IHO1: variants seen among roughly 807,000 people sequenced by gnomAD.
The protein encoded by IHO1 is interactor of HORMAD1 protein 1.
A neutral mutation model predicts 31.0 loss-of-function variants in IHO1; 13 were observed. The ratio of observed to expected loss-of-function variants is 0.42; its 90% CI spans 0.27 to 0.67. IHO1 has a LOEUF of 0.67. IHO1 is among the 30% of genes least tolerant of loss of function. IHO1 has a pLI of 0.24. For missense variants in IHO1, 599 were observed against 687.5 expected (o/e 0.87, Z 1.44); for synonymous variants, 221 against 248.4 (o/e 0.89, Z 1.04).
upstream of IHO1, among the ~76,000 whole-genome samples, chr3:49,196,860 C>T (rs574173067): frequency 7.3e-5 from 11 of 151,562 alleles, 1 homozygote; most frequent in South Asian, 2.3e-3. Flanking sequence ...TTAGTAGAGA[C>T]GGGGTTTCGC....
chr3:49,214,224 G>A (rs1447817702), intron 2 of IHO1, among the ~76,000 whole-genome samples: 3 of 152,088 alleles, frequency 2.0e-5, no homozygotes, highest in African/African-American at 4.8e-5. Flanking sequence ...GAGCAAAATC[G>A]AGATGATGTT....
chr3:49,253,376 G>A (rs1038999979), intron 6 of IHO1, among the ~76,000 whole-genome samples: 4 of 152,140 alleles, frequency 2.6e-5, no homozygotes, highest in Non-Finnish European at 4.4e-5. Flanking sequence ...AGTGAGCTGA[G>A]ATCGTGCCAC....
At chr3:49,200,448 G>GAA (rs1180037191) in intron 1 of IHO1, 111 of 345,194 alleles carry the variant, frequency 3.2e-4, no homozygotes, top group East Asian at 2.7e-3. Flanking sequence ...CTGGGCGACA[G>GAA]AGTGAGACTC....
At chr3:49,253,449 A>G (rs1487413818) in intron 6 of IHO1, among the ~76,000 whole-genome samples, 1 of 152,124 alleles carries the variant, frequency 6.6e-6, no homozygotes, top group Non-Finnish European at 1.5e-5. Flanking sequence ...GAAAGAAAAA[A>G]GAATTCAAGT....
chr3:49,244,423 GT>G lies in IHO1; in HGVS notation c.418del (p.Ser140LeufsTer67). 1 of 1,555,710 alleles carries G rather than the reference GT, an allele frequency of 6.4e-7. No homozygotes were observed. The highest frequency in any genetic ancestry group is 8.8e-7 in the Non-Finnish European group (1 of 1,141,138). On this transcript the variant is annotated frameshift_variant, in exon 5 of 8. Transcript: ENST00000452691. LOFTEE classifies it high-confidence loss of function. ...TTCTAGTGAGACTCTATACAACTTT[GT>G]TTCTAATGTTAGAGAAAGCATTCTC... Reference protein sequence around the residue: ...KCDSETLYNFVSNVRESILRL... With the variant: ...KCDSETLYNFXSNVRESILRL...
chr3:49,225,693 G>A (rs1037624443), intron 2 of IHO1, among the ~76,000 whole-genome samples: 1 of 152,210 alleles, frequency 6.6e-6, no homozygotes, highest in Non-Finnish European at 1.5e-5. Context: ...CATGTGAAAA[G>A]AGCAAAGTCT....
chr3:49,234,162 GTTTT>G (rs56802492), intron 2 of IHO1, among the ~76,000 whole-genome samples: 1 of 91,916 alleles, frequency 1.1e-5, no homozygotes, highest in African/African-American at 4.3e-5. Context: ...TTTTGTTGTT[GTTTT>G]TTTTTTTTTT....
intron 6 of IHO1, among the ~76,000 whole-genome samples, chr3:49,251,756 CA>C: frequency 6.6e-6 from 1 of 152,200 alleles, no homozygotes; most frequent in South Asian, 2.1e-4. Context: ...CATGCGACAC[CA>C]CGCACTGCTA....
intron 2 of IHO1, among the ~76,000 whole-genome samples, chr3:49,228,730 G>A (rs765348067): frequency 6.6e-6 from 1 of 152,306 alleles, no homozygotes; most frequent in African/African-American, 2.4e-5. Flanking sequence ...CAGGAGTGAA[G>A]CCATGGATCT....
intron 6 of IHO1, among the ~76,000 whole-genome samples, chr3:49,251,546 A>G (rs1043443109): frequency 2.6e-5 from 4 of 151,822 alleles, no homozygotes; most frequent in Admixed American, 2.6e-4. Context: ...GCCTCCCCAA[A>G]GTGCTGGGAT....
chr3:49,230,856 C>A (rs997976079), intron 2 of IHO1, among the ~76,000 whole-genome samples: 1 of 152,082 alleles, frequency 6.6e-6, no homozygotes, highest in African/African-American at 2.4e-5. Flanking sequence ...CTAGGCATTC[C>A]TACCTATGCC....
intron 6 of IHO1, among the ~76,000 whole-genome samples, chr3:49,249,718 C>T (rs1167245190): frequency 1.3e-5 from 2 of 152,214 alleles, no homozygotes; most frequent in African/African-American, 4.8e-5. Flanking sequence ...AGGTGCTCTT[C>T]GCGTGCTCCA....
At chr3:49,195,868 A>G (rs944018751), upstream of IHO1, among the ~76,000 whole-genome samples, 9 of 151,430 alleles carry the variant, frequency 5.9e-5, no homozygotes, top group East Asian at 1.8e-3. Context: ...TTGGGAGGCC[A>G]AGGTGGGCGG....
chr3:49,200,610 TC>T (rs1319694459), intron 1 of IHO1: 2 of 982,654 alleles, frequency 2.0e-6, no homozygotes, highest in Non-Finnish European at 2.4e-6. Flanking sequence ...CACGTGTTCC[TC>T]CCTTGTGTAC....
chr3:49,225,610 A>G (rs543101117), intron 2 of IHO1, among the ~76,000 whole-genome samples: 1 of 152,322 alleles, frequency 6.6e-6, no homozygotes, highest in Non-Finnish European at 1.5e-5. Context: ...ATTCATGTAG[A>G]TAATAGCTCC....
intron 1 of IHO1, among the ~76,000 whole-genome samples, chr3:49,211,009 T>TG (rs2046205763): frequency 7.2e-6 from 1 of 139,408 alleles, no homozygotes; most frequent in Admixed American, 7.2e-5. Context: ...CCATTTAGTT[T>TG]TTTTTTTTTT....
intron 1 of IHO1, among the ~76,000 whole-genome samples, chr3:49,209,992 A>G (rs953365012): frequency 2.7e-5 from 4 of 150,900 alleles, no homozygotes; most frequent in Non-Finnish European, 5.9e-5. Context: ...CTGGGATTAC[A>G]GGCATGAGCC....
chr3:49,212,887 T>TG (rs1212492786), intron 2 of IHO1, among the ~76,000 whole-genome samples: 1 of 152,222 alleles, frequency 6.6e-6, no homozygotes, highest in African/African-American at 2.4e-5. Context: ...TGGTTGCCAC[T>TG]GCTGGCTCGG....
chr3:49,200,878 G>A (rs1347466706), intron 1 of IHO1, among the ~76,000 whole-genome samples: 1 of 152,190 alleles, frequency 6.6e-6, no homozygotes, highest in Non-Finnish European at 1.5e-5. Flanking sequence ...GAATTTAAAA[G>A]CCTATACAGG....
Sources: allele counts gnomAD v4.1 joint callset (sites outside exome capture counted in the v4.1 genomes callset), GRCh38; gene constraint gnomAD v4.1.1; transcripts MANE v1.5; gene names NCBI Gene and HGNC (gene_info 2026-07-23, HGNC 2026-07-21).